Variants in WDR17 observed in about 807,000 individuals in gnomAD.
WDR17 encodes WD repeat domain 17.
Under a neutral mutation model 161.7 loss-of-function variants are expected in WDR17, and 143 were observed. The observed-to-expected ratio is 0.88, with a 90% CI of 0.77 to 1.02. The LOEUF is 1.02. Among genes scored for constraint, WDR17 ranks in the 50% least tolerant of loss-of-function variants. The probability of loss-of-function intolerance (pLI) is 0.00; values close to 1 mark genes in which losing one functional copy is unlikely to be tolerated. For missense variants in WDR17, 1,469 were observed against 1,520.9 expected, an observed-to-expected ratio of 0.97 and a Z score of 0.57; for synonymous variants, 517 against 515.6, an observed-to-expected ratio of 1.00 and a Z score of -0.04.
At chr4:176,144,779 G>T (rs916660483) in intron 11 of WDR17, among the ~76,000 whole-genome samples, 6 of 151,922 alleles carry the variant, frequency 3.9e-5, no homozygotes, top group African/African-American at 1.5e-4. Context: ...ACATACCAAA[G>T]TTTATTTATA....
At chr4:176,100,459 G>T (rs1005279017) in intron 1 of WDR17, among the ~76,000 whole-genome samples, 3 of 151,962 alleles carry the variant, frequency 2.0e-5, no homozygotes. Context: ...TGAGTTGTTT[G>T]GTTTCTTTGT....
intron 1 of WDR17, among the ~76,000 whole-genome samples, chr4:176,072,979 T>G (rs937702235): frequency 1.3e-5 from 2 of 152,192 alleles, no homozygotes; most frequent in African/African-American, 4.8e-5. Context: ...TCTGAGTCTT[T>G]ATTTTTGTGC....
intron 1 of WDR17, among the ~76,000 whole-genome samples, chr4:176,100,840 G>C (rs894223530): frequency 6.6e-6 from 1 of 151,966 alleles, no homozygotes; most frequent in African/African-American, 2.4e-5. Context: ...ATTGAAAAGG[G>C]TATCCTTTCC....
intron 1 of WDR17, among the ~76,000 whole-genome samples, chr4:176,088,445 C>A (rs1735700073): frequency 6.6e-6 from 1 of 152,144 alleles, no homozygotes; most frequent in South Asian, 2.1e-4. Flanking sequence ...AAACTGGAAT[C>A]ACTAATAATT....
At chr4:176,116,109 A>C in intron 3 of WDR17, 130 bp downstream of exon 3, 6 of 880,808 alleles carry the variant, frequency 6.8e-6, no homozygotes, top group Non-Finnish European at 9.8e-6. Context: ...ATAAGAAATA[A>C]ATTTCACATA....
intron 26 of WDR17, among the ~76,000 whole-genome samples, chr4:176,176,540 G>A (rs1751478592): frequency 6.6e-6 from 1 of 152,106 alleles, no homozygotes; most frequent in South Asian, 2.1e-4. Context: ...TCACCTCTAT[G>A]GAGGTAACTC....
chr4:176,166,140 T>C lies in WDR17; in HGVS notation c.2991-2532T>C, dbSNP rs145572446. On this transcript the variant is annotated intron_variant, in intron 22 of 28. Coordinates refer to ENST00000508596, the MANE Select transcript of WDR17 (RefSeq NM_181265.4). ...TTCCTTTAGCTTTCCATGTGTTGGA[T>C]ACAGGTATTATCTACTTTTATTTAA... 137 of 1,041,802 alleles carry C rather than the reference T, an allele frequency of 1.3e-4. No individual in the cohort carries two copies. The highest frequency in any genetic ancestry group is 1.6e-4 in the Non-Finnish European group (116 of 729,596). The allele number at this position is 1,041,802 out of a possible 1,614,324, so 64.5% of individuals were successfully genotyped here.
chr4:176,148,477 C>T (rs1441785551), intron 13 of WDR17, 142 bp downstream of exon 13: 3 of 740,148 alleles, frequency 4.1e-6, no homozygotes, highest in South Asian at 3.9e-5. Context: ...AAAATATACA[C>T]GTTTATTATT....
rs973507779 is a variant in WDR17, at chr4:176,077,770, C to G, written c.-7+11691C>G. ...GTCATTGTGACTCAGCCCCTCTCTA[C>G]TGTGCTGGCTTTTTTCAAGCTACAG... On this transcript the variant is annotated intron_variant, in intron 1 of 28. Coordinates refer to ENST00000508596, the MANE Select transcript of WDR17 (RefSeq NM_181265.4). 2.6e-5 allele frequency among the ~76,000 whole-genome samples: 4 copies of G among 151,814 alleles called. No individual in the cohort carries two copies. In the South Asian group the frequency reaches 8.4e-4, roughly 32 times the overall value.
intron 1 of WDR17, among the ~76,000 whole-genome samples, chr4:176,073,534 T>C (rs1272055998): frequency 6.6e-6 from 1 of 151,744 alleles, no homozygotes; most frequent in African/African-American, 2.4e-5. Context: ...TTCCAAGTCT[T>C]TGCTATTGTG....
intron 1 of WDR17, among the ~76,000 whole-genome samples, chr4:176,084,414 G>A (rs1435932148): frequency 6.6e-6 from 1 of 152,018 alleles, no homozygotes; most frequent in Non-Finnish European, 1.5e-5. Context: ...CTTTTACTGA[G>A]AGAAGGCATT....
intron 1 of WDR17, among the ~76,000 whole-genome samples, chr4:176,075,657 AT>A (rs1225665073): frequency 1.3e-5 from 2 of 152,170 alleles, no homozygotes; most frequent in Non-Finnish European, 2.9e-5. Context: ...CAGTATGAGA[AT>A]GTCTTTCTGT....
At position 176,150,491 on chromosome 4, in the gene WDR17, A is replaced by G; in HGVS notation, c.2202A>G (p.Leu734=). 6.2e-7 allele frequency: 1 copy of G among 1,609,816 alleles called. No individual in the cohort carries two copies. Among genetic ancestry groups the G allele is most frequent in the Non-Finnish European group, 8.5e-7 (1 of 1,178,788 alleles). The change falls in exon 16 of 29, where the codon TTA becomes TTG. Residue 734 remains leucine, a synonymous_variant. Coordinates refer to ENST00000508596, the MANE Select transcript of WDR17 (RefSeq NM_181265.4). ...AGCCTCCAGGTGGCAGTGACAATTT[A>G]TGGAACTTGGTTGCTGTGATAAAAG... is the stretch of plus-strand genomic sequence containing the variant. ...CLSPPGGSDN[L]WNLVAVIKGQ...
At chr4:176,140,058 A>C in intron 10 of WDR17, 84 bp downstream of exon 10, 1 of 1,192,254 alleles carries the variant, frequency 8.4e-7, no homozygotes, top group South Asian at 1.5e-5. Flanking sequence ...TATCCATGAG[A>C]TTTCATTTGT....
chr4:176,178,823 T>A (rs181393104), intron 28 of WDR17, among the ~76,000 whole-genome samples: 21 of 152,220 alleles, frequency 1.4e-4, no homozygotes, highest in Admixed American at 1.1e-3. Flanking sequence ...TTGTATTGCA[T>A]CTTGTGTTTT....
At chr4:176,105,122 A>T (rs1738496632) in intron 1 of WDR17, among the ~76,000 whole-genome samples, 1 of 152,006 alleles carries the variant, frequency 6.6e-6, no homozygotes, top group African/African-American at 2.4e-5. Flanking sequence ...TAGTCAAAAA[A>T]GTTCAGAAAA....
At chr4:176,074,102 T>G (rs1224012165) in intron 1 of WDR17, among the ~76,000 whole-genome samples, 5 of 151,928 alleles carry the variant, frequency 3.3e-5, no homozygotes, top group African/African-American at 1.2e-4. Flanking sequence ...GCTCTTGAGT[T>G]TAATTAGATC....
chr4:176,160,934 G>T lies in WDR17; in HGVS notation c.2682G>T (p.Gln894His). ...AGGCTGCTTGTGAAGGAAATATGCA[G>T]CCCTTACATGTTTCCGTGCCTAAAG... ...VAQAACEGNM[Q>H]PLHVSVPKGA... Residue 894 changes from glutamine to histidine, a missense_variant, in exon 20 of 29, where the codon CAG becomes CAT. Gln to His is a conservative substitution (Grantham distance 24). Coordinates refer to ENST00000508596, the MANE Select transcript of WDR17 (RefSeq NM_181265.4). 1 of 1,607,066 alleles carries T rather than the reference G, an allele frequency of 6.2e-7. No homozygotes were observed. Among genetic ancestry groups the T allele is most frequent in the Non-Finnish European group, 8.5e-7 (1 of 1,176,922 alleles).
At chr4:176,083,656 C>T (rs141207374) in intron 1 of WDR17, among the ~76,000 whole-genome samples, 214 of 152,166 alleles carry the variant, frequency 1.4e-3, no homozygotes, top group Non-Finnish European at 2.6e-3. Flanking sequence ...TAATACATGT[C>T]TTTTGATGAA....
Sources: allele counts gnomAD v4.1 joint callset (sites outside exome capture counted in the v4.1 genomes callset), GRCh38; gene constraint gnomAD v4.1.1; transcripts MANE v1.5; gene names NCBI Gene and HGNC (gene_info 2026-07-23, HGNC 2026-07-21).